The following CRPPA variants were observed in gnomAD, a reference collection of about 807,000 sequenced individuals.
CRPPA encodes CDP-L-ribitol pyrophosphorylase A.
A neutral mutation model predicts 52.0 loss-of-function variants in CRPPA; 43 were observed. That is an observed-to-expected ratio of 0.83 (90% CI 0.65 to 1.07). CRPPA has a LOEUF of 1.07. Ranked by LOEUF, CRPPA falls within the 50% of genes least tolerant of loss-of-function variation. The pLI is 0.00. For synonymous variants in CRPPA, 250 were observed against 203.5 expected, an observed-to-expected ratio of 1.23 and a Z score of -1.94; for missense variants, 629 against 551.7, an observed-to-expected ratio of 1.14 and a Z score of -1.40.
intron 3 of CRPPA, among the ~76,000 whole-genome samples, chr7:16,349,011 T>A (rs1289114276): frequency 6.6e-6 from 1 of 152,196 alleles, no homozygotes; most frequent in Non-Finnish European, 1.5e-5. Flanking sequence ...CTCCCTAGTA[T>A]CAGAGGGTGC....
chr7:16,107,974 T>C (rs1459343132), intron 9 of CRPPA, among the ~76,000 whole-genome samples: 3 of 151,910 alleles, frequency 2.0e-5, no homozygotes, highest in African/African-American at 7.2e-5. Flanking sequence ...AGCCTCATGG[T>C]AACCACAAAG....
chr7:16,344,745 C>T (rs1227345142), intron 3 of CRPPA, among the ~76,000 whole-genome samples: 1 of 151,660 alleles, frequency 6.6e-6, no homozygotes, highest in African/African-American at 2.4e-5. Flanking sequence ...ATGGGCACAA[C>T]AGCACGCTTG....
At chr7:16,170,719 T>C (rs899719383) in intron 9 of CRPPA, among the ~76,000 whole-genome samples, 1 of 152,164 alleles carries the variant, frequency 6.6e-6, no homozygotes, top group Admixed American at 6.5e-5. Context: ...TCCCGAGCCC[T>C]GCCCTGCAGG....
chr7:16,413,967 A>G (rs931647985), intron 1 of CRPPA, among the ~76,000 whole-genome samples: 6 of 152,196 alleles, frequency 3.9e-5, no homozygotes, highest in African/African-American at 1.2e-4. Context: ...AACATGAATC[A>G]GTGCCAATAG....
chr7:16,401,523 A>G (rs556295719), intron 2 of CRPPA, among the ~76,000 whole-genome samples: 2 of 152,362 alleles, frequency 1.3e-5, no homozygotes, highest in African/African-American at 4.8e-5. Flanking sequence ...AGGATATACC[A>G]GTAACTTAGA....
chr7:16,314,974 T>C (rs1004611287), intron 3 of CRPPA, among the ~76,000 whole-genome samples: 1 of 152,128 alleles, frequency 6.6e-6, no homozygotes, highest in Admixed American at 6.6e-5. Flanking sequence ...ACTGCTTCCA[T>C]TCCTTTCTTC....
At chr7:16,370,929 A>G (rs1786731781) in intron 3 of CRPPA, among the ~76,000 whole-genome samples, 1 of 152,190 alleles carries the variant, frequency 6.6e-6, no homozygotes, top group Admixed American at 6.5e-5. Flanking sequence ...TCAGGCTTGC[A>G]TGAGAGGCAG....
intron 8 of CRPPA, among the ~76,000 whole-genome samples, chr7:16,222,172 C>G (rs1042852704): frequency 2.0e-5 from 3 of 151,724 alleles, no homozygotes; most frequent in Non-Finnish European, 4.4e-5. Context: ...TGGAAATCAT[C>G]ATTCTCAGTA....
chr7:16,389,932 T>TAAAAAAAAAA (rs1787399468), intron 2 of CRPPA, among the ~76,000 whole-genome samples: 1 of 60,146 alleles, frequency 1.7e-5, no homozygotes, highest in Non-Finnish European at 2.8e-5. Flanking sequence ...AAAAAAAATA[T>TAAAAAAAAAA]ATATATATAT....
chr7:16,172,291 A>T (rs1197014612), intron 9 of CRPPA, among the ~76,000 whole-genome samples: 1 of 152,162 alleles, frequency 6.6e-6, no homozygotes, highest in Admixed American at 6.6e-5. Flanking sequence ...TAGAGGGGAA[A>T]GTGCAGCTAT....
intron 9 of CRPPA, among the ~76,000 whole-genome samples, chr7:16,096,823 T>A (rs1163032990): frequency 2.6e-5 from 4 of 152,154 alleles, no homozygotes; most frequent in Non-Finnish European, 5.9e-5. Context: ...AGTATACTCT[T>A]CAGTAGTCCG....
At chr7:16,252,419 A>G (rs1783484325) in intron 8 of CRPPA, among the ~76,000 whole-genome samples, 1 of 152,216 alleles carries the variant, frequency 6.6e-6, no homozygotes, top group African/African-American at 2.4e-5. Flanking sequence ...AATAAGAGCT[A>G]TTTATGACAA....
At chr7:16,363,858 A>G (rs1367385623) in intron 3 of CRPPA, among the ~76,000 whole-genome samples, 1 of 152,230 alleles carries the variant, frequency 6.6e-6, no homozygotes, top group African/African-American at 2.4e-5. Context: ...CCAGAGTTCA[A>G]TAAATTTGCC....
chr7:16,409,011 C>T (rs1788019785), intron 1 of CRPPA, among the ~76,000 whole-genome samples: 1 of 152,200 alleles, frequency 6.6e-6, no homozygotes, highest in Non-Finnish European at 1.5e-5. Flanking sequence ...AAGCAATTCT[C>T]CTGCCTCAGC....
At chr7:16,420,846 C>T (rs533411133) in intron 1 of CRPPA, among the ~76,000 whole-genome samples, 55 of 152,198 alleles carry the variant, frequency 3.6e-4, no homozygotes, top group African/African-American at 1.1e-3. Context: ...TGCTTGGGGA[C>T]GTAAAGGGCT....
chr7:16,205,993 G>A (rs1781964799), intron 9 of CRPPA, among the ~76,000 whole-genome samples: 2 of 152,050 alleles, frequency 1.3e-5, no homozygotes, highest in South Asian at 2.1e-4. Flanking sequence ...GATCAAGTCA[G>A]AATCCAAGAT....
chr7:16,194,654 G>T (rs889855564), intron 9 of CRPPA, among the ~76,000 whole-genome samples: 3 of 152,028 alleles, frequency 2.0e-5, no homozygotes, highest in Non-Finnish European at 2.9e-5. Context: ...TTAATGGTAA[G>T]ATTTTTCTTA....
chr7:16,420,814 G>T (rs544229904), intron 1 of CRPPA, among the ~76,000 whole-genome samples: 1 of 152,100 alleles, frequency 6.6e-6, no homozygotes, highest in Non-Finnish European at 1.5e-5. Context: ...GCCACACGAC[G>T]GGCCTTCCCC....
At chr7:16,279,876 G>C (rs1043965207) in intron 5 of CRPPA, among the ~76,000 whole-genome samples, 1 of 152,204 alleles carries the variant, frequency 6.6e-6, no homozygotes, top group Non-Finnish European at 1.5e-5. Flanking sequence ...CAGAGACTGG[G>C]CAATTTACAA....
Sources: gnomAD v4.1 joint callset for allele counts (sites outside exome capture counted in the v4.1 genomes callset) on GRCh38, gnomAD v4.1.1 for gene constraint, MANE v1.5 for transcripts, NCBI Gene and HGNC (gene_info 2026-07-23, HGNC 2026-07-21) for gene names.